ERBB4: variants seen among roughly 807,000 people sequenced by gnomAD.
ERBB4 encodes the protein receptor tyrosine-protein kinase erbB-4.
A neutral mutation model predicts 158.0 loss-of-function variants in ERBB4; 42 were observed. The observed-to-expected ratio is 0.27, with a 90% CI of 0.21 to 0.34. ERBB4 has a LOEUF of 0.34. Among genes scored for constraint, ERBB4 ranks in the 10% least tolerant of loss-of-function variants. ERBB4 has a pLI of 1.00. For synonymous variants in ERBB4, 583 were observed against 558.7 expected, an observed-to-expected ratio of 1.04 and a Z score of -0.61; for missense variants, 1,333 against 1,624.1, an observed-to-expected ratio of 0.82 and a Z score of 3.08.
intron 3 of ERBB4, among the ~76,000 whole-genome samples, chr2:211,823,893 G>C (rs1258759352): frequency 6.6e-6 from 1 of 152,002 alleles, no homozygotes; most frequent in Non-Finnish European, 1.5e-5. Flanking sequence ...CATTCAAAGA[G>C]AAGTAGAAAT....
At chr2:211,515,056 G>A (rs1405759338) in intron 20 of ERBB4, among the ~76,000 whole-genome samples, 1 of 152,172 alleles carries the variant, frequency 6.6e-6, no homozygotes, top group Non-Finnish European at 1.5e-5. Context: ...CATATAGCAG[G>A]TTAGCCTCAA....
At chr2:211,493,301 A>T (rs192712563) in intron 20 of ERBB4, among the ~76,000 whole-genome samples, 13 of 152,214 alleles carry the variant, frequency 8.5e-5, no homozygotes, top group African/African-American at 3.1e-4. Flanking sequence ...TAGAAAACTA[A>T]TTGAGGGCAA....
chr2:211,980,299 CTT>C (rs944888584), intron 2 of ERBB4, among the ~76,000 whole-genome samples: 1 of 152,068 alleles, frequency 6.6e-6, no homozygotes, highest in African/African-American at 2.4e-5. Flanking sequence ...TTGCCAAGAA[CTT>C]TTGAGAGATT....
intron 2 of ERBB4, among the ~76,000 whole-genome samples, chr2:212,111,690 C>T (rs2079412273): frequency 6.6e-6 from 1 of 151,706 alleles, no homozygotes; most frequent in Non-Finnish European, 1.5e-5. Context: ...CTTATAACTG[C>T]CCCCCTGCCA....
intron 1 of ERBB4, among the ~76,000 whole-genome samples, chr2:212,232,795 C>G (rs2083714760): frequency 6.6e-6 from 1 of 152,174 alleles, no homozygotes; most frequent in Admixed American, 6.5e-5. Context: ...TAACATGAGA[C>G]ATAGCAGTGC....
At chr2:211,959,054 C>T (rs778544309) in intron 2 of ERBB4, among the ~76,000 whole-genome samples, 6 of 151,986 alleles carry the variant, frequency 3.9e-5, no homozygotes, top group Non-Finnish European at 5.9e-5. Context: ...TTTAAATTTG[C>T]ACTTGACTTT....
chr2:211,732,166 G>A (rs1433284165), intron 5 of ERBB4, among the ~76,000 whole-genome samples: 9 of 152,112 alleles, frequency 5.9e-5, no homozygotes, highest in East Asian at 1.9e-4. Flanking sequence ...AAACTAGAAC[G>A]CTCTTTCCTA....
chr2:211,542,249 A>T (rs1368968587), intron 20 of ERBB4, among the ~76,000 whole-genome samples: 1 of 152,040 alleles, frequency 6.6e-6, no homozygotes, highest in Non-Finnish European at 1.5e-5. Context: ...TCTCAGTGCC[A>T]GACTGCTTGA....
chr2:211,408,507 A>G (rs1181493181), intron 25 of ERBB4, among the ~76,000 whole-genome samples: 1 of 152,162 alleles, frequency 6.6e-6, no homozygotes, highest in Non-Finnish European at 1.5e-5. Flanking sequence ...GTGTAAAATA[A>G]TTTCATAAAG....
chr2:211,549,155 C>T (rs948312314), intron 20 of ERBB4, among the ~76,000 whole-genome samples: 5 of 152,038 alleles, frequency 3.3e-5, no homozygotes, highest in African/African-American at 9.7e-5. Flanking sequence ...CTAATCTGGG[C>T]TCCCTATGTG....
chr2:212,478,355 G>C (rs1689511359), intron 1 of ERBB4, among the ~76,000 whole-genome samples: 1 of 152,024 alleles, frequency 6.6e-6, no homozygotes, highest in Non-Finnish European at 1.5e-5. Context: ...TTGGAAAGGT[G>C]AATTAGTACA....
intron 20 of ERBB4, among the ~76,000 whole-genome samples, chr2:211,463,251 A>G (rs1274059707): frequency 2.0e-5 from 3 of 152,166 alleles, no homozygotes; most frequent in Non-Finnish European, 2.9e-5. Flanking sequence ...TATAGTTTTT[A>G]GTTTCAAGGA....
chr2:212,113,628 A>ACTGGAGGGATTCTC (rs1164918270), intron 2 of ERBB4, among the ~76,000 whole-genome samples: 1 of 147,742 alleles, frequency 6.8e-6, no homozygotes, highest in Non-Finnish European at 1.5e-5. Context: ...GGGATTTGTT[A>ACTGGAGGGATTCTC]CTGGAGGGAT....
At chr2:212,426,604 T>G (rs1286332962) in intron 1 of ERBB4, among the ~76,000 whole-genome samples, 1 of 152,128 alleles carries the variant, frequency 6.6e-6, no homozygotes, top group African/African-American at 2.4e-5. Flanking sequence ...GGTTCCTGCG[T>G]GTTTATATCT....
At chr2:211,731,627 T>C (rs914612132) in intron 5 of ERBB4, among the ~76,000 whole-genome samples, 2 of 152,154 alleles carry the variant, frequency 1.3e-5, no homozygotes, top group Non-Finnish European at 2.9e-5. Context: ...AAATGTTCTC[T>C]AGAGGTACCC....
At chr2:212,455,561 T>TAA (rs5838333) in intron 1 of ERBB4, among the ~76,000 whole-genome samples, 26 of 150,120 alleles carry the variant, frequency 1.7e-4, no homozygotes, top group African/African-American at 4.4e-4. Flanking sequence ...TCCTTCACCT[T>TAA]AAAAAAAAAA....
intron 1 of ERBB4, among the ~76,000 whole-genome samples, chr2:212,479,493 A>T (rs1255456006): frequency 6.6e-6 from 1 of 152,188 alleles, no homozygotes; most frequent in East Asian, 1.9e-4. Context: ...CCCAATATTG[A>T]GTACTTACTG....
Position 211,724,231 on chromosome 2 carries a change from T to C in ERBB4, c.741+845A>G, listed in dbSNP as rs567548160. 1.9e-3 allele frequency among the ~76,000 whole-genome samples: 285 copies of C among 152,294 alleles called. 3 individuals are homozygous for C. The highest frequency in any genetic ancestry group is 6.8e-3 in the Middle Eastern group (2 of 294). ...TCTGCAATACATATTTTTGTTTCAC[T>C]ATAGAATGAGTATAGAAGATTATAT... On this transcript the variant is annotated intron_variant, in intron 6 of 27. Transcript: ENST00000342788.
chr2:212,157,887 A>T (rs1009326522), intron 1 of ERBB4, among the ~76,000 whole-genome samples: 3 of 152,078 alleles, frequency 2.0e-5, no homozygotes, highest in Non-Finnish European at 4.4e-5. Context: ...CAGAGGGGAA[A>T]GAAGCCTGCT....
Sources: allele counts gnomAD v4.1 joint callset (sites outside exome capture counted in the v4.1 genomes callset), GRCh38; gene constraint gnomAD v4.1.1; transcripts MANE v1.5; gene names NCBI Gene and HGNC (gene_info 2026-07-23, HGNC 2026-07-21).